The following MAPK3 variants were observed in gnomAD, a reference collection of about 807,000 sequenced individuals.
MAPK3 encodes MAPK 1.
A neutral mutation model predicts 41.8 loss-of-function variants in MAPK3; 30 were observed. The ratio of observed to expected loss-of-function variants is 0.72; its 90% CI spans 0.54 to 0.97. The LOEUF (loss-of-function observed/expected upper bound fraction) is 0.97. MAPK3 is among the 50% of genes least tolerant of loss of function. The pLI is 0.00. For synonymous variants in MAPK3, 222 were observed against 213.4 expected (o/e 1.04, Z -0.35); for missense variants, 413 against 509.9 (o/e 0.81, Z 1.83).
intron 2 of MAPK3, 103 bp from the exon 3 acceptor site, chr16:30,118,641 G>T: frequency 1.1e-6 from 1 of 917,010 alleles, no homozygotes; most frequent in Non-Finnish European, 1.6e-6. Context: ...CTCCAGCCAG[G>T]GCCCCTGGGA....
Position 30,118,027 on chromosome 16 carries a change from G to A in MAPK3, c.660+20C>T, listed in dbSNP as rs771236866. ...CTGGGAACTGGTCCGTTCCTTTCAG[G>A]AGTGGGCAGCCCCTCCTACCTTGGA... On this transcript the variant is annotated intron_variant, in intron 4 of 8. Coordinates refer to ENST00000263025, the MANE Select transcript of MAPK3 (RefSeq NM_002746.3). The A allele has an allele frequency of 6.2e-7, 1 of 1,604,508 alleles. No homozygotes were observed. Among genetic ancestry groups the A allele is most frequent in the Non-Finnish European group, 8.5e-7 (1 of 1,171,450 alleles).
chr16:30,117,094 C>G (rs1376479318), intron 6 of MAPK3, 60 bp downstream of exon 6: 1 of 1,606,642 alleles, frequency 6.2e-7, no homozygotes, highest in Non-Finnish European at 8.5e-7. Context: ...GGCTGCTGGG[C>G]TCACACACCC....
In MAPK3 at chr16:30,121,813, G is replaced by C. The variant is rs184561113; in HGVS notation, c.353+11C>G. On this transcript the variant is annotated intron_variant, in intron 2 of 8. Coordinates refer to ENST00000263025, the MANE Select transcript of MAPK3 (RefSeq NM_002746.3). Reference sequence around the variant, plus strand: ...GTGCCTGACCAGCCGACTGGCCAAGGTGAAGGATACACATCTCTCATGGCT... The same window carrying C: ...GTGCCTGACCAGCCGACTGGCCAAGCTGAAGGATACACATCTCTCATGGCT... The C allele has an allele frequency of 6.2e-7, 1 of 1,612,312 alleles. No homozygotes were observed. Among genetic ancestry groups the C allele is most frequent in the African/African-American group, 1.3e-5 (1 of 74,934 alleles).
rs2072936087 is a variant in MAPK3, at chr16:30,114,563, T to TG, written c.*177dup. On this transcript the variant is annotated 3_prime_UTR_variant, in exon 9 of 9. Transcript: ENST00000263025. Reference sequence around the variant, plus strand: ...AGGGCGGGTGGGGAGGAGAAGGCCTTGGCCTGCCTGAAGCTGGAGGCCTCA... The same window carrying TG: ...AGGGCGGGTGGGGAGGAGAAGGCCTTGGGCCTGCCTGAAGCTGGAGGCCTCA... 6.6e-6 allele frequency: 1 copy of TG among 152,538 alleles called. No individual in the cohort carries two copies. Among genetic ancestry groups the TG allele is most frequent in the Non-Finnish European group, 1.5e-5 (1 of 68,252 alleles). The allele number at this position is 152,538 out of a possible 1,614,324, so 9.4% of individuals were successfully genotyped here. A position where few individuals can be genotyped will look rare whatever the true frequency, so the allele number is the denominator to read the frequency against.
intron 1 of MAPK3, chr16:30,122,597 C>A (rs2073027802): frequency 5.8e-6 from 1 of 172,480 alleles, no homozygotes; most frequent in South Asian, 1.2e-4. Flanking sequence ...AAGCCCTGCC[C>A]CACCCTGATC....
intron 4 of MAPK3, 76 bp downstream of exon 4, chr16:30,117,971 G>A (rs1219960513): frequency 4.4e-6 from 6 of 1,351,554 alleles, no homozygotes; most frequent in Non-Finnish European, 4.2e-6. Context: ...ATGGGGGTCA[G>A]TGTCTGGCTC....
chr16:30,123,135 C>T lies in MAPK3; in HGVS notation c.75G>A (p.Pro25=), dbSNP rs1251940144. 6.5e-7 allele frequency: 1 copy of T among 1,548,980 alleles called. No homozygotes were observed. The highest frequency in any genetic ancestry group is 1.9e-5 in the Admixed American group (1 of 53,592). Residue 25 remains proline (P), a synonymous_variant, in exon 1 of 9, where the codon CCG becomes CCA. Coordinates refer to ENST00000263025, the MANE Select transcript of MAPK3 (RefSeq NM_002746.3). ...RRTEGVGPGV[P]GEVEMVKGQP... is the part of the protein sequence containing the mutation. ...GCCCCTTCACCATCTCCACCTCCCC[C>T]GGGACCCCCGGGCCGACCCCCTCGG...
intron 4 of MAPK3, 101 bp downstream of exon 4, chr16:30,117,946 T>A: frequency 8.3e-7 from 1 of 1,198,532 alleles, no homozygotes; most frequent in Non-Finnish European, 1.2e-6. Flanking sequence ...GCCCAGAGGG[T>A]AGAATTCCTG....
intron 2 of MAPK3, among the ~76,000 whole-genome samples, chr16:30,120,454 A>T (rs1055092003): frequency 1.3e-5 from 2 of 152,150 alleles, no homozygotes; most frequent in Non-Finnish European, 2.9e-5. Context: ...TAAGTTGCTA[A>T]GGAGAGCCAG....
At position 30,116,733 on chromosome 16, in the gene MAPK3, G is replaced by A. The variant is rs777053157; in HGVS notation, c.1075C>T (p.Arg359Trp). Residue 359 changes from arginine (R) to tryptophan (W), a missense_variant, in exon 8 of 9, where the codon CGG (arginine) becomes TGG (tryptophan). Physicochemically the swap from Arg to Trp is moderately radical, Grantham distance 101. Coordinates refer to ENST00000263025, the MANE Select transcript of MAPK3 (RefSeq NM_002746.3). ...AMELDDLPKE[R>W]LKELIFQETA... The stretch of plus-strand genomic sequence containing the variant: ...TCCTGGAAGATGAGCTCCTTCAGCC[G>A]CTCCTTAGGTAGGTCATCCAGCTCC... 2.2e-5 allele frequency: 35 copies of A among 1,613,852 alleles called. No individual in the cohort carries two copies. The East Asian group carries it at 4.2e-4, about 20-fold the overall frequency.
chr16:30,118,674 A>G lies in MAPK3; in HGVS notation c.354-136T>C, dbSNP rs544068071. The G allele has an allele frequency of 2.4e-4, 151 of 635,824 alleles. 1 individual carries two copies. Among genetic ancestry groups the G allele is most frequent in the Non-Finnish European group, 2.1e-4 (81 of 380,582 alleles). The allele number at this position is 635,824 out of a possible 1,614,324, so 39.4% of individuals were successfully genotyped here. A position where few individuals can be genotyped will look rare whatever the true frequency, so the allele number is the denominator to read the frequency against. The stretch of plus-strand genomic sequence containing the variant: ...GGACTCAATAGATCTGCCAACCTGC[A>G]CCACCAGCTGGGGAAGCTGCTGCCA... On this transcript the variant is annotated intron_variant, in intron 2 of 8. Transcript: ENST00000263025.
intron 1 of MAPK3, 97 bp downstream of exon 1, chr16:30,122,943 G>T: frequency 9.0e-7 from 1 of 1,108,888 alleles, no homozygotes; most frequent in Non-Finnish European, 1.2e-6. Flanking sequence ...GGGACGCTCC[G>T]CGTCTCCACG....
chr16:30,118,427 CT>C lies in MAPK3; in HGVS notation c.464del (p.Lys155SerfsTer13). The C allele has an allele frequency of 6.2e-7, 1 of 1,614,000 alleles. No individual in the cohort carries two copies. The highest frequency in any genetic ancestry group is 8.5e-7 in the Non-Finnish European group (1 of 1,179,984). ...GGAGCACGTTGGCGGAGTGGATGTACTTGAGGCCCCGCAGGATCTGGTAGAG... is the reference window on the plus strand; with the variant it reads ...GGAGCACGTTGGCGGAGTGGATGTACTGAGGCCCCGCAGGATCTGGTAGAG... The part of the protein sequence containing the change: ...YFLYQILRGL[K>X]YIHSANVLHR... On this transcript the variant is annotated frameshift_variant, in exon 3 of 9. Coordinates refer to ENST00000263025, the MANE Select transcript of MAPK3 (RefSeq NM_002746.3). LOFTEE classifies it high-confidence loss of function.
chr16:30,122,113 T>G, intron 1 of MAPK3, 107 bp from the exon 2 acceptor site: 2 of 1,012,040 alleles, frequency 2.0e-6, no homozygotes, highest in Non-Finnish European at 3.0e-6. Context: ...AGGAGCTGGC[T>G]CTGGTCAAAT....
intron 4 of MAPK3, 47 bp from the exon 5 acceptor site, chr16:30,117,831 G>A (rs1273517268): frequency 1.4e-6 from 2 of 1,468,324 alleles, no homozygotes; most frequent in East Asian, 2.3e-5. Context: ...GCCTCAACAG[G>A]GTCCTGTTGT....
At chr16:30,117,562 G>A (rs2072969827) in intron 5 of MAPK3, 108 bp downstream of exon 5, 3 of 869,758 alleles carry the variant, frequency 3.4e-6, no homozygotes, top group Admixed American at 3.6e-5. Flanking sequence ...GATACCATGA[G>A]ATGCTGGAGG....
At chr16:30,119,757 G>T (rs1426424464) in intron 2 of MAPK3, among the ~76,000 whole-genome samples, 1 of 152,226 alleles carries the variant, frequency 6.6e-6, no homozygotes, top group Non-Finnish European at 1.5e-5. Context: ...AGAAGATGGA[G>T]GAGTAAAATG....
chr16:30,118,339 A>G lies in MAPK3; in HGVS notation c.543+10T>C, dbSNP rs755725046. On this transcript the variant is annotated intron_variant, in intron 3 of 8. Transcript: ENST00000263025. ...TGGGGGAGGAGGGGACAGGTGCCCA[A>G]CCCTCTGACCTTAAGGTCGCAGGTG... 1.7e-5 allele frequency: 27 copies of G among 1,606,620 alleles called. No individual in the cohort carries two copies. Among genetic ancestry groups the G allele is most frequent in the Non-Finnish European group, 2.3e-5 (27 of 1,176,574 alleles).
intron 3 of MAPK3, 32 bp downstream of exon 3, chr16:30,118,317 G>C (rs1228695621): frequency 6.2e-7 from 1 of 1,600,770 alleles, no homozygotes; most frequent in African/African-American, 1.3e-5. Flanking sequence ...CAGACCCTGG[G>C]GGAGGAGGGG....
Sources: gnomAD v4.1 joint callset for allele counts (sites outside exome capture counted in the v4.1 genomes callset) on GRCh38, gnomAD v4.1.1 for gene constraint, MANE v1.5 for transcripts, NCBI Gene and HGNC (gene_info 2026-07-23, HGNC 2026-07-21) for gene names.